The following CSMD1 variants were observed in gnomAD, a reference collection of about 807,000 sequenced individuals.
The protein encoded by CSMD1 is CUB and sushi domain-containing protein 1.
A neutral mutation model predicts 417.5 loss-of-function variants in CSMD1; 213 were observed. The observed-to-expected ratio is 0.51, with a 90% CI of 0.46 to 0.57. The LOEUF (loss-of-function observed/expected upper bound fraction) is 0.57. Ranked by LOEUF, CSMD1 falls within the 20% of genes least tolerant of loss-of-function variation. CSMD1 has a pLI of 0.00. For synonymous variants in CSMD1, 2,862 were observed against 1,736.8 expected (o/e 1.65, Z -16.11); for missense variants, 6,923 against 4,529.7 (o/e 1.53, Z -15.17).
At chr8:4,722,102 A>T (rs989323915) in intron 1 of CSMD1, among the ~76,000 whole-genome samples, 2 of 152,130 alleles carry the variant, frequency 1.3e-5, no homozygotes, top group Non-Finnish European at 2.9e-5. Flanking sequence ...ATAGCATGAA[A>T]ACTATAGGTA....
intron 1 of CSMD1, among the ~76,000 whole-genome samples, chr8:4,799,759 G>C (rs1054985906): frequency 6.6e-6 from 1 of 151,692 alleles, no homozygotes; most frequent in Non-Finnish European, 1.5e-5. Flanking sequence ...CATTTGACCT[G>C]GAAATTTTAC....
At chr8:4,508,751 T>C (rs908976535) in intron 2 of CSMD1, among the ~76,000 whole-genome samples, 1 of 152,164 alleles carries the variant, frequency 6.6e-6, no homozygotes, top group African/African-American at 2.4e-5. Flanking sequence ...TGTAAAGATG[T>C]AAAACACTCA....
chr8:4,772,661 G>C (rs979928352), intron 1 of CSMD1, among the ~76,000 whole-genome samples: 1 of 152,142 alleles, frequency 6.6e-6, no homozygotes, highest in African/African-American at 2.4e-5. Flanking sequence ...TGAAGGTACA[G>C]AAAAGAAGCC....
At chr8:4,192,984 A>G (rs756862218) in intron 3 of CSMD1, among the ~76,000 whole-genome samples, 2 of 152,236 alleles carry the variant, frequency 1.3e-5, no homozygotes, top group Admixed American at 1.3e-4. Flanking sequence ...GTGTTTTGCA[A>G]ATCAAATGCA....
intron 3 of CSMD1, among the ~76,000 whole-genome samples, chr8:4,136,478 G>C (rs899280256): frequency 6.6e-5 from 10 of 152,246 alleles, no homozygotes; most frequent in African/African-American, 1.9e-4. Flanking sequence ...GCAAACCAAA[G>C]AACTGGATGC....
chr8:3,673,682 T>C (rs1055874396), intron 7 of CSMD1, among the ~76,000 whole-genome samples: 1 of 152,196 alleles, frequency 6.6e-6, no homozygotes, highest in Non-Finnish European at 1.5e-5. Flanking sequence ...ATTTTTAACT[T>C]ACACCCAATC....
At chr8:3,437,857 C>G (rs1814674314) in intron 12 of CSMD1, among the ~76,000 whole-genome samples, 1 of 151,822 alleles carries the variant, frequency 6.6e-6, no homozygotes. Context: ...AAGCAATTCT[C>G]TTGTTTCAGC....
intron 69 of CSMD1, among the ~76,000 whole-genome samples, chr8:2,941,957 A>G (rs932500811): frequency 2.0e-5 from 3 of 152,228 alleles, no homozygotes; most frequent in Non-Finnish European, 2.9e-5. Context: ...CATGAAAGAA[A>G]AAAACATATT....
At chr8:3,525,402 A>T (rs1483065223) in intron 10 of CSMD1, among the ~76,000 whole-genome samples, 1 of 152,200 alleles carries the variant, frequency 6.6e-6, no homozygotes, top group Non-Finnish European at 1.5e-5. Flanking sequence ...CAAGGTAATC[A>T]TAGTAATATC....
chr8:3,267,670 G>A (rs1563204879), intron 26 of CSMD1, among the ~76,000 whole-genome samples: 2 of 152,202 alleles, frequency 1.3e-5, no homozygotes, highest in Admixed American at 6.5e-5. Context: ...AGGAAGCAGG[G>A]ATGGAAAGAG....
At chr8:3,652,132 TACC>T (rs1797888873) in intron 7 of CSMD1, among the ~76,000 whole-genome samples, 1 of 127,324 alleles carries the variant, frequency 7.9e-6, no homozygotes, top group Non-Finnish European at 1.7e-5. Flanking sequence ...TCAGAGCGCT[TACC>T]ACCATCAGAG....
intron 1 of CSMD1, among the ~76,000 whole-genome samples, chr8:4,813,323 G>A (rs1454758415): frequency 2.0e-5 from 3 of 151,852 alleles, no homozygotes; most frequent in Admixed American, 2.0e-4. Context: ...GCTGTGATGA[G>A]AAATAAAATT....
At chr8:3,577,924 T>G (rs1008563449) in intron 9 of CSMD1, among the ~76,000 whole-genome samples, 1 of 152,170 alleles carries the variant, frequency 6.6e-6, no homozygotes, top group Admixed American at 6.6e-5. Context: ...TGTAGAGACC[T>G]TATTAAACAA....
intron 1 of CSMD1, among the ~76,000 whole-genome samples, chr8:4,727,981 ATATATACAAAATATATATT>A (rs1809579292): frequency 7.1e-6 from 1 of 141,626 alleles, no homozygotes; most frequent in Admixed American, 7.0e-5. Context: ...ATATATGTAT[ATATATACAAAATATATATT>A]TATATACAAA....
At chr8:4,382,982 TC>T (rs751840673) in intron 3 of CSMD1, among the ~76,000 whole-genome samples, 4 of 152,098 alleles carry the variant, frequency 2.6e-5, no homozygotes, top group Non-Finnish European at 5.9e-5. Context: ...AACTGAGAGG[TC>T]GCACCATCGT....
intron 1 of CSMD1, among the ~76,000 whole-genome samples, chr8:4,826,377 C>A (rs1275971622): frequency 6.6e-6 from 1 of 152,084 alleles, no homozygotes; most frequent in Non-Finnish European, 1.5e-5. Flanking sequence ...TTAAAAGACG[C>A]AATCCTGCAT....
intron 26 of CSMD1, among the ~76,000 whole-genome samples, chr8:3,282,751 C>G (rs1306939299): frequency 6.6e-6 from 1 of 152,058 alleles, no homozygotes; most frequent in Non-Finnish European, 1.5e-5. Context: ...CAGACTATAA[C>G]CAGAGGTAAG....
chr8:4,457,737 T>C (rs905080023), intron 2 of CSMD1, among the ~76,000 whole-genome samples: 2 of 152,146 alleles, frequency 1.3e-5, no homozygotes, highest in Non-Finnish European at 2.9e-5. Context: ...TGCTCCTCTG[T>C]ATGGGATCCA....
chr8:4,466,736 T>C (rs973475733), intron 2 of CSMD1, among the ~76,000 whole-genome samples: 10 of 152,090 alleles, frequency 6.6e-5, no homozygotes, highest in Admixed American at 3.3e-4. Context: ...CAAATACATA[T>C]TTCCAATAAT....
Sources: gnomAD v4.1 joint callset for allele counts (sites outside exome capture counted in the v4.1 genomes callset) on GRCh38, gnomAD v4.1.1 for gene constraint, MANE v1.5 for transcripts, NCBI Gene and HGNC (gene_info 2026-07-23, HGNC 2026-07-21) for gene names.